Variants in RANBP2 observed in about 807,000 individuals in gnomAD.
The protein encoded by RANBP2 is RAN binding protein 2, also known as E3 SUMO-protein ligase RanBP2.
Under a neutral mutation model 303.6 loss-of-function variants are expected in RANBP2, and 57 were observed. The ratio of observed to expected loss-of-function variants is 0.19; its 90% confidence interval spans 0.15 to 0.23. The LOEUF is 0.23. Among genes scored for constraint, RANBP2 ranks in the 10% least tolerant of loss-of-function variants. The pLI, the probability that RANBP2 is intolerant of heterozygous loss-of-function variation, is 1.00. For missense variants in RANBP2, 3,138 were observed against 3,780.8 expected, an observed-to-expected ratio of 0.83 and a Z score of 4.46; for synonymous variants, 1,167 against 1,301.5, an observed-to-expected ratio of 0.90 and a Z score of 2.23.
At chr2:108,934,049 A>G in the RANBP2 span, among the ~76,000 whole-genome samples, 2 of 152,214 alleles carry the variant, frequency 1.3e-5, no homozygotes, top group South Asian at 2.1e-4. Flanking sequence ...GCTTCCCTGA[A>G]TAACTGAGAA....
the RANBP2 span, among the ~76,000 whole-genome samples, chr2:109,121,054 A>G: frequency 2.0e-5 from 3 of 152,172 alleles, no homozygotes; most frequent in Non-Finnish European, 2.9e-5. Context: ...AGACCATCCT[A>G]GCTAACATGG....
chr2:109,582,487 T>C, the RANBP2 span, among the ~76,000 whole-genome samples: 3 of 152,030 alleles, frequency 2.0e-5, no homozygotes, highest in Non-Finnish European at 4.4e-5. Flanking sequence ...GCCTGGTTAA[T>C]TTTTTAAAAT....
the RANBP2 span, among the ~76,000 whole-genome samples, chr2:109,216,460 C>T: frequency 4.6e-5 from 7 of 152,190 alleles, no homozygotes; most frequent in Admixed American, 6.5e-5. Flanking sequence ...CACTTGAGGG[C>T]GGTGCAGGGC....
In RANBP2 at chr2:108,740,581, A is replaced by T; in HGVS notation, c.875A>T (p.His292Leu). The T allele has an allele frequency of 6.3e-7, 1 of 1,597,568 alleles. No individual in the cohort carries two copies. Among genetic ancestry groups the T allele is most frequent in the Non-Finnish European group, 8.5e-7 (1 of 1,179,780 alleles). The stretch of plus-strand genomic sequence containing the variant: ...GAAATGAAAGGACATTTCTACATGC[A>T]TGCTGGTTCTCTGCTTTTGAAGATG... ...FLEMKGHFYM[H>L]AGSLLLKMGQ... Residue 292 changes from histidine (H) to leucine (L), a missense_variant, in exon 7 of 29, where the codon CAT becomes CTT. Coordinates refer to ENST00000283195, the MANE Select transcript of RANBP2 (RefSeq NM_006267.5).
At chr2:109,337,194 C>T in the RANBP2 span, among the ~76,000 whole-genome samples, 6 of 152,150 alleles carry the variant, frequency 3.9e-5, no homozygotes, top group Non-Finnish European at 7.4e-5. Context: ...CTGAGATTGG[C>T]CACATGATTT....
At chr2:109,307,618 C>T in the RANBP2 span, among the ~76,000 whole-genome samples, 1 of 137,348 alleles carries the variant, frequency 7.3e-6, no homozygotes, top group African/African-American at 2.9e-5. Flanking sequence ...ATTCCCCTTC[C>T]TGTGTCCATG....
chr2:108,853,965 AAAATATATATAATATATAATATATAAT>A, the RANBP2 span, among the ~76,000 whole-genome samples: 10 of 113,236 alleles, frequency 8.8e-5, no homozygotes, highest in African/African-American at 1.8e-4. Flanking sequence ...TATATATAAT[AAAATATATATAATATATAATATATAAT>A]AAATTTATAT....
chr2:108,813,350 T>A, the RANBP2 span, among the ~76,000 whole-genome samples: 105 of 152,124 alleles, frequency 6.9e-4, 1 homozygote, highest in African/African-American at 2.5e-3. Context: ...AAACATTCTT[T>A]TTGGAATGTT....
the RANBP2 span, among the ~76,000 whole-genome samples, chr2:108,828,844 G>A: frequency 6.6e-6 from 1 of 152,058 alleles, no homozygotes; most frequent in Non-Finnish European, 1.5e-5. Flanking sequence ...CAGTCATGGT[G>A]GCAGGCACCT....
chr2:109,177,095 G>GT, the RANBP2 span, among the ~76,000 whole-genome samples: 1 of 152,150 alleles, frequency 6.6e-6, no homozygotes, highest in African/African-American at 2.4e-5. Context: ...AATAAGCTCT[G>GT]TTTACTGGGA....
the RANBP2 span, chr2:109,613,857 T>C: frequency 8.1e-7 from 1 of 1,233,224 alleles, no homozygotes; most frequent in African/African-American, 1.6e-5. Context: ...GTGAAGCGGC[T>C]GTATCAGCCC....
the RANBP2 span, among the ~76,000 whole-genome samples, chr2:109,174,373 A>AT: frequency 6.6e-6 from 1 of 151,882 alleles, no homozygotes; most frequent in Non-Finnish European, 1.5e-5. Context: ...ACTTCCTTTC[A>AT]TTTTTTTTCT....
the RANBP2 span, among the ~76,000 whole-genome samples, chr2:109,305,129 A>T: frequency 6.6e-6 from 1 of 152,126 alleles, no homozygotes; most frequent in Non-Finnish European, 1.5e-5. Flanking sequence ...TGATAATATT[A>T]ATCTCTTAGA....
chr2:109,067,535 T>C, the RANBP2 span, among the ~76,000 whole-genome samples: 4 of 152,210 alleles, frequency 2.6e-5, no homozygotes, highest in African/African-American at 4.8e-5. Context: ...CCTCCACCGC[T>C]CTGCGTCTTG....
At chr2:109,738,622 T>G in the RANBP2 span, among the ~76,000 whole-genome samples, 1 of 151,396 alleles carries the variant, frequency 6.6e-6, no homozygotes, top group Non-Finnish European at 1.5e-5. Context: ...GCCCAGCCTA[T>G]TCATTGTATT....
At chr2:109,255,487 T>C in the RANBP2 span, among the ~76,000 whole-genome samples, 5 of 152,230 alleles carry the variant, frequency 3.3e-5, no homozygotes, top group African/African-American at 4.8e-5. Context: ...GTCAGCCGAC[T>C]GGGTATCTTT....
At chr2:109,516,074 G>A in the RANBP2 span, among the ~76,000 whole-genome samples, 1 of 152,222 alleles carries the variant, frequency 6.6e-6, no homozygotes, top group Non-Finnish European at 1.5e-5. Flanking sequence ...CTCTAGCTGA[G>A]TGGAATGGTT....
chr2:109,169,093 A>G, the RANBP2 span, among the ~76,000 whole-genome samples: 1 of 152,194 alleles, frequency 6.6e-6, no homozygotes, highest in Non-Finnish European at 1.5e-5. Flanking sequence ...TGGAGGAGCC[A>G]GAATTCTTTG....
At chr2:109,041,050 C>T in the RANBP2 span, among the ~76,000 whole-genome samples, 34 of 151,834 alleles carry the variant, frequency 2.2e-4, no homozygotes, top group Non-Finnish European at 4.4e-4. Context: ...AGCTAGACTC[C>T]GTCTCAAAAA....
Sources: gnomAD v4.1 joint callset for allele counts (sites outside exome capture counted in the v4.1 genomes callset) on GRCh38, gnomAD v4.1.1 for gene constraint, MANE v1.5 for transcripts, NCBI Gene and HGNC (gene_info 2026-07-23, HGNC 2026-07-21) for gene names.